The following UBASH3A variants were observed in gnomAD, a reference collection of about 807,000 sequenced individuals.
The protein encoded by UBASH3A is ubiquitin associated and SH3 domain containing A.
Under a neutral mutation model 73.5 loss-of-function variants are expected in UBASH3A, and 63 were observed. The observed-to-expected ratio is 0.86, with a 90% CI of 0.70 to 1.06. UBASH3A has a LOEUF of 1.06. Ranked by LOEUF, UBASH3A falls within the 50% of genes least tolerant of loss-of-function variation. The pLI is 0.00. For synonymous variants in UBASH3A, 363 were observed against 351.1 expected, an observed-to-expected ratio of 1.03 and a Z score of -0.38; for missense variants, 860 against 859.0, an observed-to-expected ratio of 1.00 and a Z score of -0.02.
Position 42,413,597 on chromosome 21 carries a change from G to A in UBASH3A, c.667+74G>A, listed in dbSNP as rs2053145401. On this transcript the variant is annotated intron_variant, in intron 5 of 14. Coordinates refer to ENST00000319294, the MANE Select transcript of UBASH3A (RefSeq NM_018961.4). The surrounding 1 kb of genome is among the most constrained non-coding windows in gnomAD (Gnocchi z 4.5). ...GGGAATAGCCTTGTTCTCATTATGT[G>A]GTTTTTAAAATGCTTAGCTATATGC... 6.0e-6 allele frequency: 7 copies of A among 1,174,444 alleles called. No individual in the cohort carries two copies. Among genetic ancestry groups the A allele is most frequent in the Non-Finnish European group, 8.6e-6 (7 of 815,766 alleles). 72.8% of individuals were successfully genotyped at this position (1,174,444 alleles called of 1,614,324 possible).
chr21:42,444,344 A>T (rs1376186739), intron 13 of UBASH3A, among the ~76,000 whole-genome samples, 190 bp from the exon 14 acceptor site: 3 of 152,182 alleles, frequency 2.0e-5, no homozygotes, highest in African/African-American at 7.2e-5. Context: ...CGTGCAGAGG[A>T]ATCCATGAGC....
chr21:42,409,703 A>G, intron 3 of UBASH3A, 95 bp downstream of exon 3: 1 of 1,163,552 alleles, frequency 8.6e-7, no homozygotes, highest in South Asian at 1.5e-5. Flanking sequence ...ACTTATTTAA[A>G]TGGGATAGTC....
rs969264073 is a variant in UBASH3A, at chr21:42,405,989, G to A, written c.114-319G>A. On this transcript the variant is annotated intron_variant, in intron 1 of 14. Coordinates refer to ENST00000319294, the MANE Select transcript of UBASH3A (RefSeq NM_018961.4). The stretch of plus-strand genomic sequence containing the variant: ...GTCCATTTGATCTAGGCAGTGGGGG[G>A]GGGGGGGGCAGGCCAGGGAGAGGGA... Among the ~76,000 whole-genome samples the A allele has an allele frequency of 8.6e-4, 128 of 149,550 alleles. 3 individuals are homozygous for A. Among genetic ancestry groups the A allele is most frequent in the African/African-American group, 3.0e-3 (119 of 39,586 alleles).
At chr21:42,411,389 CACAA>C (rs1267863392) in intron 3 of UBASH3A, among the ~76,000 whole-genome samples, 4 of 151,774 alleles carry the variant, frequency 2.6e-5, no homozygotes, top group Non-Finnish European at 5.9e-5. Flanking sequence ...GACACACATG[CACAA>C]ACACAGACAT....
intron 10 of UBASH3A, among the ~76,000 whole-genome samples, chr21:42,436,114 C>G (rs1396877569): frequency 6.6e-6 from 1 of 150,878 alleles, no homozygotes; most frequent in Non-Finnish European, 1.5e-5. Context: ...GTTATAGAGT[C>G]ATAGTGTTAC....
At position 42,404,084 on chromosome 21, in the gene UBASH3A, G is replaced by A. The variant is rs11909229; in HGVS notation, c.113+26G>A. The A allele has an allele frequency of 9.0e-3, 12,173 of 1,354,696 alleles. 870 individuals are homozygous for A. In the African/African-American group the frequency reaches 0.15, roughly 17 times the overall value. The allele number at this position is 1,354,696 out of a possible 1,614,324, so 83.9% of individuals were successfully genotyped here. A position where few individuals can be genotyped will look rare whatever the true frequency, so the allele number is the denominator to read the frequency against. On this transcript the variant is annotated intron_variant, in intron 1 of 14. Transcript: ENST00000319294. ...GTGAGTACTGCCCAGAGACCCCGGG[G>A]CCCAGCCAGTAAGGCTGGTGCCAGA...
At chr21:42,409,153 A>AT (rs1568908037) in intron 2 of UBASH3A, among the ~76,000 whole-genome samples, 3 of 151,948 alleles carry the variant, frequency 2.0e-5, no homozygotes, top group South Asian at 4.2e-4. Flanking sequence ...ACTTTCTTTC[A>AT]TTTTTTCTAC....
intron 8 of UBASH3A, among the ~76,000 whole-genome samples, chr21:42,429,998 C>A (rs1568929107): frequency 6.6e-6 from 1 of 152,094 alleles, no homozygotes; most frequent in Non-Finnish European, 1.5e-5. Context: ...ATTTCAGCAG[C>A]TGGAAATTCT....
intron 7 of UBASH3A, among the ~76,000 whole-genome samples, chr21:42,423,562 A>G (rs990990321): frequency 6.6e-6 from 1 of 152,158 alleles, no homozygotes; most frequent in Admixed American, 6.5e-5. Flanking sequence ...ATCATTTAGC[A>G]TGTCCTTCGC....
intron 11 of UBASH3A, among the ~76,000 whole-genome samples, chr21:42,440,044 C>T (rs1395224346): frequency 2.0e-5 from 3 of 151,936 alleles, no homozygotes; most frequent in African/African-American, 7.3e-5. Flanking sequence ...ACACACACCA[C>T]ATACACCCCT....
At chr21:42,412,974 G>T in intron 3 of UBASH3A, 50 bp from the exon 4 acceptor site, 1 of 1,416,756 alleles carries the variant, frequency 7.1e-7, no homozygotes, top group South Asian at 1.2e-5. Flanking sequence ...ATTAATAGAT[G>T]ACTTCTGATG....
chr21:42,443,470 A>G (rs768037478), intron 13 of UBASH3A, 52 bp downstream of exon 13: 68 of 1,465,124 alleles, frequency 4.6e-5, no homozygotes, highest in Non-Finnish European at 5.7e-5. Flanking sequence ...TTGGGGAATT[A>G]TCTCTGAGAT....
At chr21:42,446,972 G>A in intron 14 of UBASH3A, 85 bp from the exon 15 acceptor site, 2 of 1,472,460 alleles carry the variant, frequency 1.4e-6, no homozygotes, top group African/African-American at 2.8e-5. Flanking sequence ...AAGTAGAGGT[G>A]TGCCTGACAG....
At chr21:42,434,191 C>T (rs1365385505) in intron 9 of UBASH3A, among the ~76,000 whole-genome samples, 1 of 152,150 alleles carries the variant, frequency 6.6e-6, no homozygotes, top group Non-Finnish European at 1.5e-5. Flanking sequence ...CTGTTTTTTA[C>T]TGATAAGAGA....
chr21:42,408,332 T>C (rs1230403468), intron 2 of UBASH3A, among the ~76,000 whole-genome samples: 1 of 152,242 alleles, frequency 6.6e-6, no homozygotes, highest in Non-Finnish European at 1.5e-5. Flanking sequence ...AGATTTGCTA[T>C]CAGTTATGGA....
At chr21:42,443,043 C>A in intron 12 of UBASH3A, 1 of 1,102,730 alleles carries the variant, frequency 9.1e-7, no homozygotes, top group Non-Finnish European at 1.2e-6. Flanking sequence ...GGAGTTTAGT[C>A]AAGGAGAGAG....
At chr21:42,446,328 C>A (rs1003886168) in intron 14 of UBASH3A, among the ~76,000 whole-genome samples, 27 of 152,172 alleles carry the variant, frequency 1.8e-4, no homozygotes, top group African/African-American at 6.3e-4. Context: ...CAAATCAGGG[C>A]AGCTGGAAAG....
At chr21:42,428,834 T>C (rs1264192695) in intron 8 of UBASH3A, among the ~76,000 whole-genome samples, 1 of 151,940 alleles carries the variant, frequency 6.6e-6, no homozygotes, top group Non-Finnish European at 1.5e-5. Flanking sequence ...CACGGTCTTC[T>C]CTATAGGGAT....
chr21:42,437,642 G>A (rs953314142), intron 11 of UBASH3A, 62 bp downstream of exon 11: 22 of 1,440,026 alleles, frequency 1.5e-5, no homozygotes, highest in Non-Finnish European at 1.9e-5. Flanking sequence ...TCTCCAAGGG[G>A]AGTGGGAAGG....
Sources: gnomAD v4.1 joint callset for allele counts (sites outside exome capture counted in the v4.1 genomes callset) on GRCh38, gnomAD v4.1.1 for gene constraint, Gnocchi (gnomAD v3.1) non-coding constraint, MANE v1.5 for transcripts, NCBI Gene and HGNC (gene_info 2026-07-23, HGNC 2026-07-21) for gene names.